The following UNC5C variants were observed in gnomAD, a reference collection of about 807,000 sequenced individuals.
UNC5C encodes the protein netrin receptor UNC5C.
UNC5C carries 47 observed loss-of-function variants against 99.8 expected under a neutral mutation model. The observed-to-expected ratio is 0.47, with a 90% CI of 0.37 to 0.60. The LOEUF is 0.60. UNC5C is among the 20% of genes least tolerant of loss of function. The pLI, the probability that UNC5C is intolerant of heterozygous loss-of-function variation, is 0.00. For synonymous variants in UNC5C, 487 were observed against 452.2 expected (o/e 1.08, Z -0.98); for missense variants, 1,062 against 1,165.9 (o/e 0.91, Z 1.30).
intron 1 of UNC5C, among the ~76,000 whole-genome samples, chr4:95,509,871 T>C (rs1413266344): frequency 6.6e-6 from 1 of 151,922 alleles, no homozygotes; most frequent in Non-Finnish European, 1.5e-5. Context: ...AGTAGTTTCC[T>C]AAGTAGCCAT....
intron 2 of UNC5C, among the ~76,000 whole-genome samples, chr4:95,333,178 C>G (rs1223991365): frequency 6.6e-6 from 1 of 152,104 alleles, no homozygotes; most frequent in African/African-American, 2.4e-5. Flanking sequence ...CCTCAGGGAT[C>G]TAGAACTGGA....
chr4:95,466,811 G>T (rs1269346203), intron 1 of UNC5C, among the ~76,000 whole-genome samples: 1 of 152,150 alleles, frequency 6.6e-6, no homozygotes, highest in Non-Finnish European at 1.5e-5. Context: ...GTGATTTTAA[G>T]GTGTGTCCAT....
chr4:95,541,973 G>C (rs1462349597), intron 1 of UNC5C, among the ~76,000 whole-genome samples: 1 of 152,080 alleles, frequency 6.6e-6, no homozygotes, highest in Non-Finnish European at 1.5e-5. Context: ...CACATCGTCA[G>C]TTAGAAGAGG....
At chr4:95,411,733 A>C (rs762694307) in intron 1 of UNC5C, among the ~76,000 whole-genome samples, 2 of 152,206 alleles carry the variant, frequency 1.3e-5, no homozygotes, top group South Asian at 2.1e-4. Flanking sequence ...TAGTTGGCTA[A>C]GTGATATTTA....
At chr4:95,422,484 GT>G (rs1380272918) in intron 1 of UNC5C, among the ~76,000 whole-genome samples, 9 of 151,848 alleles carry the variant, frequency 5.9e-5, no homozygotes, top group East Asian at 1.9e-4. Flanking sequence ...TTTGAGACAT[GT>G]TTTTTTCTCT....
At position 95,548,554 on chromosome 4, in the gene UNC5C, A is replaced by T. The variant is rs192384220; in HGVS notation, c.124+180T>A. On this transcript the variant is annotated intron_variant, in intron 1 of 15. Coordinates refer to ENST00000453304, the MANE Select transcript of UNC5C (RefSeq NM_003728.4). The stretch of plus-strand genomic sequence containing the variant: ...AAGATAGATTAAACATAATAATAAT[A>T]ATAATTATTATTATTATAATCAAAG... Among the ~76,000 whole-genome samples, 1,015 of 150,628 alleles carry T rather than the reference A, an allele frequency of 6.7e-3. 8 individuals are homozygous for T. The highest frequency in any genetic ancestry group is 0.017 in the African/African-American group (683 of 40,378).
chr4:95,235,024 A>C (rs1227132470), intron 7 of UNC5C, among the ~76,000 whole-genome samples: 1 of 152,200 alleles, frequency 6.6e-6, no homozygotes, highest in African/African-American at 2.4e-5. Context: ...GTAAAACTAT[A>C]ATTCAGTTCC....
chr4:95,326,704 G>T (rs2149415858), intron 2 of UNC5C, among the ~76,000 whole-genome samples: 1 of 152,224 alleles, frequency 6.6e-6, no homozygotes, highest in African/African-American at 2.4e-5. Flanking sequence ...AGTATATTTT[G>T]TTATGATCAA....
intron 1 of UNC5C, among the ~76,000 whole-genome samples, chr4:95,362,590 CT>C (rs1254566145): frequency 6.6e-6 from 1 of 152,106 alleles, no homozygotes; most frequent in Non-Finnish European, 1.5e-5. Context: ...TGTTTTTTAT[CT>C]TTTTGACTTA....
intron 1 of UNC5C, among the ~76,000 whole-genome samples, chr4:95,491,218 A>G (rs1429952913): frequency 1.3e-5 from 2 of 151,674 alleles, no homozygotes; most frequent in Non-Finnish European, 3.0e-5. Flanking sequence ...TTGTTTAACT[A>G]GAGGCTGACA....
chr4:95,400,719 T>C (rs1745667668), intron 1 of UNC5C, among the ~76,000 whole-genome samples: 1 of 152,138 alleles, frequency 6.6e-6, no homozygotes, highest in Non-Finnish European at 1.5e-5. Context: ...GCAAACAACC[T>C]GAGGTGGCCT....
chr4:95,222,198 C>A, intron 7 of UNC5C: 1 of 1,490,156 alleles, frequency 6.7e-7, no homozygotes, highest in South Asian at 1.3e-5. Flanking sequence ...AAAATCCAAA[C>A]ATCAAACTTA....
chr4:95,183,199 T>C, intron 13 of UNC5C, 138 bp from the exon 14 acceptor site: 1 of 774,590 alleles, frequency 1.3e-6, no homozygotes, highest in East Asian at 2.7e-5. Flanking sequence ...TTTAAGTACA[T>C]CCTGGACCCT....
intron 10 of UNC5C, among the ~76,000 whole-genome samples, chr4:95,213,674 G>C (rs1416149797): frequency 2.0e-5 from 3 of 152,154 alleles, no homozygotes; most frequent in Admixed American, 1.3e-4. Context: ...ACCCAGTTTG[G>C]GATGCAATAA....
At chr4:95,486,632 T>A (rs1050526226) in intron 1 of UNC5C, among the ~76,000 whole-genome samples, 1 of 151,678 alleles carries the variant, frequency 6.6e-6, no homozygotes, top group African/African-American at 2.4e-5. Context: ...GAGTTATTAT[T>A]CCAAAATGCA....
At chr4:95,271,518 C>T (rs1446697750) in intron 4 of UNC5C, among the ~76,000 whole-genome samples, 4 of 152,158 alleles carry the variant, frequency 2.6e-5, no homozygotes, top group Admixed American at 6.5e-5. Flanking sequence ...CGTGAGCCAC[C>T]GCGCCCGGCC....
In UNC5C at chr4:95,258,746, C is replaced by CTTTTTTTTTTTTTTTTTTTTTTT. The variant is rs775570031; in HGVS notation, c.595-8102_595-8080dup. ...ACTATGTGTAATCGACCATCTTATTCTTTTTTTTTTTTTTTTTTTTTTTTT... is the reference window on the plus strand; with the variant it reads ...ACTATGTGTAATCGACCATCTTATTCTTTTTTTTTTTTTTTTTTTTTTTTTTTTTTTTTTTTTTTTTTTTTTTT... On this transcript the variant is annotated intron_variant, in intron 4 of 15. Transcript: ENST00000453304. 4.9e-4 allele frequency among the ~76,000 whole-genome samples: 37 copies of CTTTTTTTTTTTTTTTTTTTTTTT among 76,038 alleles called. 6 individuals carry two copies. Among genetic ancestry groups the CTTTTTTTTTTTTTTTTTTTTTTT allele is most frequent in the South Asian group, 1.1e-3 (2 of 1,796 alleles). The allele number at this position is 76,038 out of a possible 152,430, so 49.9% of individuals were successfully genotyped here. A position where few individuals can be genotyped will look rare whatever the true frequency, so the allele number is the denominator to read the frequency against.
rs907360489 is a variant in UNC5C at position 95,360,293 on chromosome 4, A to T, written c.125-24662T>A. 2.6e-5 allele frequency among the ~76,000 whole-genome samples: 4 copies of T among 152,184 alleles called. No individual in the cohort carries two copies. In the South Asian group the frequency reaches 8.3e-4, roughly 31 times the overall value. On this transcript the variant is annotated intron_variant, in intron 1 of 15. Transcript: ENST00000453304. ...TATTTATAAAAATGTTTTAAAAGTTATCTGTGAATTTAAAATTACTGGTAA... is the reference window on the plus strand; with the variant it reads ...TATTTATAAAAATGTTTTAAAAGTTTTCTGTGAATTTAAAATTACTGGTAA...
Position 95,454,733 on chromosome 4 carries a change from C to T in UNC5C, c.124+94001G>A, listed in dbSNP as rs6855162. Among the ~76,000 whole-genome samples, 1,426 of 152,124 alleles carry T rather than the reference C, an allele frequency of 9.4e-3. 13 individuals carry two copies. The highest frequency in any genetic ancestry group is 0.022 in the African/African-American group (910 of 41,484). On this transcript the variant is annotated intron_variant, in intron 1 of 15. Coordinates refer to ENST00000453304, the MANE Select transcript of UNC5C (RefSeq NM_003728.4). ...TCACTCTTTAACCTACCAGGTTCTT[C>T]ACTAAGTGTTCTAGAAGGTAGAATG...
Sources: gnomAD v4.1 joint callset for allele counts (sites outside exome capture counted in the v4.1 genomes callset) on GRCh38, gnomAD v4.1.1 for gene constraint, MANE v1.5 for transcripts, NCBI Gene and HGNC (gene_info 2026-07-23, HGNC 2026-07-21) for gene names.